LRFN5: variants seen among roughly 807,000 people sequenced by gnomAD.
LRFN5 encodes leucine rich repeat and fibronectin type III domain containing 5.
LRFN5 carries 24 observed loss-of-function variants against 45.6 expected under a neutral mutation model. That is an observed-to-expected ratio of 0.53 (90% CI 0.38 to 0.74). The LOEUF is 0.74. Ranked by LOEUF, LRFN5 falls within the 30% of genes least tolerant of loss-of-function variation. The probability of loss-of-function intolerance (pLI) is 0.00; values close to 1 mark genes in which losing one functional copy is unlikely to be tolerated. For synonymous variants in LRFN5, 340 were observed against 313.8 expected (o/e 1.08, Z -0.88); for missense variants, 776 against 861.5 (o/e 0.90, Z 1.24).
At chr14:41,757,406 C>G (rs1487840557) in intron 1 of LRFN5, among the ~76,000 whole-genome samples, 3 of 152,214 alleles carry the variant, frequency 2.0e-5, no homozygotes, top group Non-Finnish European at 4.4e-5. Flanking sequence ...GGGCTTCACC[C>G]AGTTCAATCT....
At chr14:41,659,100 C>T (rs1880512193) in intron 1 of LRFN5, among the ~76,000 whole-genome samples, 1 of 151,894 alleles carries the variant, frequency 6.6e-6, no homozygotes, top group Non-Finnish European at 1.5e-5. Flanking sequence ...ATGTTGAGAA[C>T]TTGCAGGTTT....
chr14:41,873,118 C>T (rs971309597), intron 2 of LRFN5, among the ~76,000 whole-genome samples: 1 of 152,114 alleles, frequency 6.6e-6, no homozygotes, highest in Non-Finnish European at 1.5e-5. Flanking sequence ...ATGACGGCTG[C>T]TGCAGCTGCT....
At position 41,898,914 on chromosome 14, in the gene LRFN5, C is replaced by T. The variant is rs1190325243; in HGVS notation, c.2099-3C>T. On this transcript the variant is annotated splice_polypyrimidine_tract_variant and splice_region_variant and intron_variant, in intron 4 of 5. Coordinates refer to ENST00000298119, the MANE Select transcript of LRFN5 (RefSeq NM_152447.5). ...TTTATGACACTGAACATTTTATTCCCAGATGCTTTGCTGACTAATGTTGAC... is the reference window on the plus strand; with the variant it reads ...TTTATGACACTGAACATTTTATTCCTAGATGCTTTGCTGACTAATGTTGAC... 5 of 1,609,290 alleles carry T rather than the reference C, an allele frequency of 3.1e-6. No homozygotes were observed. In the South Asian group the frequency reaches 4.4e-5, roughly 14 times the overall value.
intron 2 of LRFN5, among the ~76,000 whole-genome samples, chr14:41,809,878 A>C (rs1449760486): frequency 6.6e-6 from 1 of 151,954 alleles, no homozygotes; most frequent in African/African-American, 2.4e-5. Flanking sequence ...AGAGGTAATG[A>C]ATACAAGAGG....
At chr14:41,776,037 G>A (rs946627488) in intron 2 of LRFN5, among the ~76,000 whole-genome samples, 2 of 152,148 alleles carry the variant, frequency 1.3e-5, no homozygotes, top group African/African-American at 4.8e-5. Flanking sequence ...TGGCCTGAAT[G>A]TGTCACTAAG....
At position 41,629,900 on chromosome 14, in the gene LRFN5, G is replaced by C. The variant is rs538988349; in HGVS notation, c.-197+21338G>C. ...GAGCCTTACTTTTTTTTATGTAGTG[G>C]CTGTTTTGTATCAGAGCTTTATTTC... On this transcript the variant is annotated intron_variant, in intron 1 of 5. Transcript: ENST00000298119. Among the ~76,000 whole-genome samples the C allele has an allele frequency of 9.2e-5, 14 of 152,142 alleles. No homozygotes were observed. The South Asian group carries it at 2.7e-3, about 29-fold the overall frequency.
chr14:41,846,920 G>A (rs755307132), intron 2 of LRFN5, among the ~76,000 whole-genome samples: 2 of 151,998 alleles, frequency 1.3e-5, no homozygotes, highest in Non-Finnish European at 2.9e-5. Context: ...AAGCGACAAA[G>A]TTGGGCCCCG....
intron 1 of LRFN5, among the ~76,000 whole-genome samples, chr14:41,759,653 T>C (rs1885573953): frequency 6.6e-6 from 1 of 152,198 alleles, no homozygotes; most frequent in Non-Finnish European, 1.5e-5. Flanking sequence ...TGGTACAAAA[T>C]GTAATCTCTG....
intron 2 of LRFN5, among the ~76,000 whole-genome samples, chr14:41,806,420 G>T (rs1374174753): frequency 1.3e-5 from 2 of 152,124 alleles, no homozygotes; most frequent in African/African-American, 2.4e-5. Flanking sequence ...CTATTTTATT[G>T]TACTTTACCA....
chr14:41,887,519 C>A lies in LRFN5; in HGVS notation c.894C>A (p.Val298=). 6.2e-7 allele frequency: 1 copy of A among 1,614,146 alleles called. No individual in the cohort carries two copies. Among genetic ancestry groups the A allele is most frequent in the Non-Finnish European group, 8.5e-7 (1 of 1,180,030 alleles). The change falls in exon 3 of 6, where the codon GTC becomes GTA. Residue 298 remains valine, a synonymous_variant. Transcript: ENST00000298119. This position sits in a 1 kb window ranked among gnomAD's most constrained non-coding sequence, Gnocchi z 4.8. ...CTCGTCATACACATGAGATGAGAGT[C>A]CTGGAGGGACAAAGGGCAACACTGA... is the stretch of plus-strand genomic sequence containing the variant. The part of the protein sequence containing the change: ...LITRHTHEMR[V]LEGQRATLRC...
At chr14:41,823,073 CT>C (rs985609317) in intron 2 of LRFN5, among the ~76,000 whole-genome samples, 4 of 151,270 alleles carry the variant, frequency 2.6e-5, no homozygotes, top group African/African-American at 9.8e-5. Context: ...ATGGTTGAAT[CT>C]TTTTTAAAAA....
rs1431322114 is a variant in LRFN5 at position 41,891,574 on chromosome 14, T to C, written c.1710T>C (p.Tyr570=). Residue 570 remains tyrosine (Y), a synonymous_variant, in exon 4 of 6, where the codon TAT becomes TAC. Transcript: ENST00000298119. ...AGGTCACCAAGGTTAGCAATGTTTA[T>C]TCCCAAACTAACGGGGCTCAAATAC... ...QHKVTKVSNV[Y]SQTNGAQIQG... The C allele has an allele frequency of 5.6e-6, 9 of 1,614,202 alleles. No homozygotes were observed. Among genetic ancestry groups the C allele is most frequent in the South Asian group, 1.1e-5 (1 of 91,084 alleles).
intron 1 of LRFN5, among the ~76,000 whole-genome samples, chr14:41,623,632 GCTATAA>G: frequency 6.6e-6 from 1 of 152,214 alleles, no homozygotes; most frequent in South Asian, 2.1e-4. Context: ...CGGTGACTTT[GCTATAA>G]AGCTGTGTGA....
chr14:41,698,668 G>A (rs1413795443), intron 1 of LRFN5, among the ~76,000 whole-genome samples: 1 of 152,092 alleles, frequency 6.6e-6, no homozygotes, highest in Non-Finnish European at 1.5e-5. Flanking sequence ...GAGGATTTTA[G>A]AGACTGGATT....
At chr14:41,733,032 A>C (rs971687684) in intron 1 of LRFN5, among the ~76,000 whole-genome samples, 1 of 151,918 alleles carries the variant, frequency 6.6e-6, no homozygotes, top group Non-Finnish European at 1.5e-5. Context: ...TAAAAATTAT[A>C]GTCTTAGGAA....
chr14:41,821,188 G>T (rs1426058538), intron 2 of LRFN5, among the ~76,000 whole-genome samples: 1 of 151,974 alleles, frequency 6.6e-6, no homozygotes, highest in Non-Finnish European at 1.5e-5. Context: ...TCTTATTCCA[G>T]TTCTTAGAGG....
At chr14:41,869,448 G>T (rs1015105132) in intron 2 of LRFN5, among the ~76,000 whole-genome samples, 15 of 151,386 alleles carry the variant, frequency 9.9e-5, no homozygotes, top group Admixed American at 7.9e-4. Context: ...TTTAAAAAAA[G>T]GTTTTTATTA....
chr14:41,667,827 A>G (rs543606689), intron 1 of LRFN5, among the ~76,000 whole-genome samples: 1 of 152,080 alleles, frequency 6.6e-6, no homozygotes, highest in Non-Finnish European at 1.5e-5. Flanking sequence ...ACTACTGAGC[A>G]TGGCTTCTGA....
intron 1 of LRFN5, among the ~76,000 whole-genome samples, chr14:41,726,489 G>A (rs911717546): frequency 1.3e-5 from 2 of 152,064 alleles, no homozygotes; most frequent in African/African-American, 4.8e-5. Flanking sequence ...CTAAAATAAT[G>A]TTTATAATGC....
Sources: gnomAD v4.1 joint callset for allele counts (sites outside exome capture counted in the v4.1 genomes callset) on GRCh38, gnomAD v4.1.1 for gene constraint, Gnocchi (gnomAD v3.1) non-coding constraint, MANE v1.5 for transcripts, NCBI Gene and HGNC (gene_info 2026-07-23, HGNC 2026-07-21) for gene names.